Variants in HCN1 observed in about 807,000 individuals in gnomAD.
HCN1 encodes potassium/sodium hyperpolarization-activated cyclic nucleotide-gated channel 1.
In HCN1, 13 loss-of-function variants were observed where a neutral mutation model predicts 78.9. The observed-to-expected ratio is 0.16, with a 90% CI of 0.11 to 0.26. The LOEUF (loss-of-function observed/expected upper bound fraction) is 0.26, where lower values mean the gene tolerates loss of function less well. HCN1 is among the 10% of genes least tolerant of loss of function. The pLI, the probability that HCN1 is intolerant of heterozygous loss-of-function variation, is 1.00. For synonymous variants in HCN1, 552 were observed against 455.5 expected, an observed-to-expected ratio of 1.21 and a Z score of -2.70; for missense variants, 810 against 1,154.3, an observed-to-expected ratio of 0.70 and a Z score of 4.32.
chr5:45,445,088 C>G (rs1253244500), intron 3 of HCN1, among the ~76,000 whole-genome samples: 8 of 152,214 alleles, frequency 5.3e-5, no homozygotes, highest in African/African-American at 1.4e-4. Flanking sequence ...GAGGCATTGC[C>G]TCACTTGGGA....
At chr5:45,494,546 G>A (rs1024807082) in intron 2 of HCN1, among the ~76,000 whole-genome samples, 10 of 151,654 alleles carry the variant, frequency 6.6e-5, no homozygotes, top group South Asian at 2.1e-4. Flanking sequence ...CCCATTTTGT[G>A]GGTTGCCTGT....
chr5:45,381,836 T>A (rs1424437666), intron 4 of HCN1, among the ~76,000 whole-genome samples: 1 of 152,120 alleles, frequency 6.6e-6, no homozygotes, highest in Non-Finnish European at 1.5e-5. Flanking sequence ...ACAGCCAACA[T>A]GGTCTTTTCA....
At chr5:45,639,825 C>T (rs1745419948) in intron 2 of HCN1, among the ~76,000 whole-genome samples, 1 of 152,152 alleles carries the variant, frequency 6.6e-6, no homozygotes, top group Non-Finnish European at 1.5e-5. Flanking sequence ...GCCTCCAACC[C>T]CCTTCATTCT....
chr5:45,276,218 A>G (rs1021346176), intron 6 of HCN1, among the ~76,000 whole-genome samples: 2 of 152,130 alleles, frequency 1.3e-5, no homozygotes, highest in Admixed American at 1.3e-4. Context: ...TTTCTCACAC[A>G]CACACACACC....
intron 2 of HCN1, among the ~76,000 whole-genome samples, chr5:45,586,116 C>G (rs1235428484): frequency 6.6e-6 from 1 of 152,158 alleles, no homozygotes; most frequent in African/African-American, 2.4e-5. Context: ...TGCTCTGCCC[C>G]CAGAGGTGGA....
intron 5 of HCN1, among the ~76,000 whole-genome samples, chr5:45,320,082 C>G (rs772781107): frequency 2.0e-4 from 30 of 151,742 alleles, no homozygotes; most frequent in Admixed American, 7.9e-4. Flanking sequence ...AATAGAGCTG[C>G]TGTTACATTG....
chr5:45,573,928 G>A (rs894229678), intron 2 of HCN1, among the ~76,000 whole-genome samples: 1 of 151,914 alleles, frequency 6.6e-6, no homozygotes, highest in African/African-American at 2.4e-5. Flanking sequence ...CACTGAATTT[G>A]CCCTTATAAA....
intron 2 of HCN1, among the ~76,000 whole-genome samples, chr5:45,561,196 G>T (rs1397910392): frequency 1.3e-5 from 2 of 151,902 alleles, no homozygotes; most frequent in Non-Finnish European, 2.9e-5. Flanking sequence ...TTTAAGCTAT[G>T]GTAATTTAAT....
chr5:45,305,703 GA>G (rs1745715231), intron 5 of HCN1, among the ~76,000 whole-genome samples: 1 of 151,328 alleles, frequency 6.6e-6, no homozygotes, highest in South Asian at 2.1e-4. Flanking sequence ...AAGAAGGGAG[GA>G]AGGGAGGGAG....
chr5:45,588,652 A>C (rs2111939504), intron 2 of HCN1, among the ~76,000 whole-genome samples: 1 of 152,040 alleles, frequency 6.6e-6, no homozygotes, highest in East Asian at 1.9e-4. Context: ...ACTACTACTA[A>C]CTCATTCTTC....
At chr5:45,399,575 A>G (rs998821074) in intron 3 of HCN1, among the ~76,000 whole-genome samples, 3 of 152,124 alleles carry the variant, frequency 2.0e-5, no homozygotes, top group Non-Finnish European at 4.4e-5. Context: ...TTTTCAAGCT[A>G]TTTTATTTTG....
chr5:45,650,741 T>G lies in HCN1; in HGVS notation c.426-5133A>C, dbSNP rs576558995. On this transcript the variant is annotated intron_variant, in intron 1 of 7. Transcript: ENST00000303230. ...GATAAAGTGGCGTTGTAAAGATTAG[T>G]CCATGATACTAAATCAAGAAGAATT... Among the ~76,000 whole-genome samples, 12 of 152,088 alleles carry G rather than the reference T, an allele frequency of 7.9e-5. No individual in the cohort carries two copies. The South Asian group carries it at 2.3e-3, about 29-fold the overall frequency.
chr5:45,553,416 C>G (rs551944114), intron 2 of HCN1, among the ~76,000 whole-genome samples: 5 of 151,882 alleles, frequency 3.3e-5, no homozygotes, highest in African/African-American at 1.2e-4. Flanking sequence ...ACTATAAATG[C>G]GTATACTGTT....
At chr5:45,528,723 C>T (rs1164203833) in intron 2 of HCN1, among the ~76,000 whole-genome samples, 3 of 151,992 alleles carry the variant, frequency 2.0e-5, no homozygotes, top group Non-Finnish European at 4.4e-5. Context: ...TTAACCCCCA[C>T]ACTATCTTCA....
At chr5:45,302,006 CA>C (rs969927998) in intron 6 of HCN1, among the ~76,000 whole-genome samples, 18 of 151,802 alleles carry the variant, frequency 1.2e-4, no homozygotes, top group East Asian at 1.9e-4. Flanking sequence ...AGAATAGGAA[CA>C]AAAAAATAAA....
chr5:45,651,724 G>A (rs899942738), intron 1 of HCN1, among the ~76,000 whole-genome samples: 1 of 151,870 alleles, frequency 6.6e-6, no homozygotes, highest in Non-Finnish European at 1.5e-5. Context: ...AAGATATTTT[G>A]TAAAATATGT....
At chr5:45,300,549 G>C (rs1428088137) in intron 6 of HCN1, among the ~76,000 whole-genome samples, 2 of 151,846 alleles carry the variant, frequency 1.3e-5, no homozygotes, top group Non-Finnish European at 2.9e-5. Flanking sequence ...TTAATTGTAA[G>C]AATACAGTAT....
chr5:45,392,611 C>A (rs977280656), intron 4 of HCN1, among the ~76,000 whole-genome samples: 7 of 151,866 alleles, frequency 4.6e-5, no homozygotes, highest in African/African-American at 1.7e-4. Flanking sequence ...CCAAGGTTGG[C>A]GGATTACTTG....
At chr5:45,478,707 T>G (rs1362274379) in intron 2 of HCN1, among the ~76,000 whole-genome samples, 1 of 152,178 alleles carries the variant, frequency 6.6e-6, no homozygotes, top group Non-Finnish European at 1.5e-5. Flanking sequence ...TCCTTAAAAC[T>G]GAAGCCAGAG....
Sources: allele counts gnomAD v4.1 joint callset (sites outside exome capture counted in the v4.1 genomes callset), GRCh38; gene constraint gnomAD v4.1.1; transcripts MANE v1.5; gene names NCBI Gene and HGNC (gene_info 2026-07-23, HGNC 2026-07-21).